The following ARHGAP24 variants were observed in gnomAD, a reference collection of about 807,000 sequenced individuals.
ARHGAP24 encodes Rho GTPase activating protein 24.
Under a neutral mutation model 76.4 loss-of-function variants are expected in ARHGAP24, and 50 were observed. The observed-to-expected ratio is 0.65, with a 90% CI of 0.52 to 0.83. ARHGAP24 has a LOEUF of 0.83. Ranked by LOEUF, ARHGAP24 falls within the 40% of genes least tolerant of loss-of-function variation. The probability of loss-of-function intolerance (pLI) is 0.00; values close to 1 mark genes in which losing one functional copy is unlikely to be tolerated. For synonymous variants in ARHGAP24, 345 were observed against 323.3 expected (o/e 1.07, Z -0.72); for missense variants, 930 against 914.2 (o/e 1.02, Z -0.22).
intron 2 of ARHGAP24, among the ~76,000 whole-genome samples, chr4:85,613,898 G>A (rs894381259): frequency 2.6e-5 from 4 of 152,096 alleles, no homozygotes; most frequent in Non-Finnish European, 4.4e-5. Context: ...AGTACCTCAC[G>A]TCTCAGTACC....
intron 3 of ARHGAP24, among the ~76,000 whole-genome samples, chr4:85,871,426 C>T (rs1732518154): frequency 6.6e-6 from 1 of 152,152 alleles, no homozygotes; most frequent in Non-Finnish European, 1.5e-5. Flanking sequence ...TGATTCCATA[C>T]TCGTTGATCA....
intron 3 of ARHGAP24, among the ~76,000 whole-genome samples, chr4:85,755,528 A>G (rs1324147839): frequency 2.0e-5 from 3 of 151,060 alleles, no homozygotes; most frequent in Non-Finnish European, 4.4e-5. Context: ...CCTTAATTTT[A>G]TTGGAAAGTG....
At chr4:85,575,291 A>G (rs1445393283) in intron 2 of ARHGAP24, among the ~76,000 whole-genome samples, 2 of 152,204 alleles carry the variant, frequency 1.3e-5, no homozygotes, top group Non-Finnish European at 2.9e-5. Context: ...AAGGTGATGC[A>G]TGCAGGCCAT....
chr4:85,744,217 G>T (rs990283632), intron 3 of ARHGAP24, among the ~76,000 whole-genome samples: 1 of 152,112 alleles, frequency 6.6e-6, no homozygotes, highest in Non-Finnish European at 1.5e-5. Context: ...TTTTCATTTT[G>T]TAAGACCCTT....
At chr4:85,682,545 C>T (rs1289398332) in intron 2 of ARHGAP24, among the ~76,000 whole-genome samples, 2 of 152,158 alleles carry the variant, frequency 1.3e-5, no homozygotes, top group South Asian at 2.1e-4. Flanking sequence ...TTTTGGGAGC[C>T]AGCAAGAAGA....
chr4:85,581,928 T>C (rs534186935), intron 2 of ARHGAP24, among the ~76,000 whole-genome samples: 22 of 152,128 alleles, frequency 1.4e-4, no homozygotes, highest in Non-Finnish European at 2.6e-4. Context: ...GTCCCTTCTT[T>C]CTGTACTTCC....
chr4:85,809,737 G>T (rs562576859), intron 3 of ARHGAP24, among the ~76,000 whole-genome samples: 1 of 152,172 alleles, frequency 6.6e-6, no homozygotes, highest in Non-Finnish European at 1.5e-5. Flanking sequence ...GCAATGCATG[G>T]TGAAAGGGTA....
At chr4:85,811,709 T>G (rs574032793) in intron 3 of ARHGAP24, among the ~76,000 whole-genome samples, 1 of 152,242 alleles carries the variant, frequency 6.6e-6, no homozygotes, top group Admixed American at 6.5e-5. Flanking sequence ...TTTGTTATTA[T>G]GTGGATAAGT....
At chr4:85,541,246 C>T (rs2046690644) in intron 1 of ARHGAP24, among the ~76,000 whole-genome samples, 1 of 117,538 alleles carries the variant, frequency 8.5e-6, no homozygotes, top group African/African-American at 6.1e-5. Flanking sequence ...CTCCGCCTCC[C>T]GGGTTCACGC....
chr4:85,569,807 C>A lies in ARHGAP24; in HGVS notation c.-20-715C>A, dbSNP rs540299133. On this transcript the variant is annotated intron_variant, in intron 1 of 9. Transcript: ENST00000395184. ...TAGAAACATCTTGAGATATGTTCACCTATGTAAGACAAATGTCTTCCATTA... is the reference window on the plus strand; with the variant it reads ...TAGAAACATCTTGAGATATGTTCACATATGTAAGACAAATGTCTTCCATTA... 3.9e-5 allele frequency among the ~76,000 whole-genome samples: 6 copies of A among 152,292 alleles called. No individual in the cohort carries two copies. The East Asian group carries it at 7.7e-4, about 20-fold the overall frequency.
At chr4:85,997,720 A>G (rs943240682) in intron 9 of ARHGAP24, among the ~76,000 whole-genome samples, 2 of 151,994 alleles carry the variant, frequency 1.3e-5, no homozygotes, top group Non-Finnish European at 2.9e-5. Flanking sequence ...CAGTGATGCA[A>G]TCTTGGCTCA....
chr4:85,488,327 TTTAGA>T (rs796245324), intron 1 of ARHGAP24, among the ~76,000 whole-genome samples: 8 of 152,242 alleles, frequency 5.3e-5, no homozygotes, highest in African/African-American at 1.4e-4. Context: ...TTGGTGAAAG[TTTAGA>T]TTAGAGGAGA....
rs564848261 is a variant in ARHGAP24 at position 85,899,250 on chromosome 4, C to A, written c.269-24398C>A. Among the ~76,000 whole-genome samples the A allele has an allele frequency of 3.9e-5, 6 of 152,220 alleles. No homozygotes were observed. The East Asian group carries it at 1.2e-3, about 29-fold the overall frequency. On this transcript the variant is annotated intron_variant, in intron 3 of 9. Coordinates refer to ENST00000395184, the MANE Select transcript of ARHGAP24 (RefSeq NM_001025616.3). ...AAAAGGATCTACATTAGATAGATAG[C>A]TTGAAATGCATTTACAGAATGCAAA...
In ARHGAP24 at chr4:85,597,057, G is replaced by C. The variant is rs73832870; in HGVS notation, c.180+26336G>C. On this transcript the variant is annotated intron_variant, in intron 2 of 9. Transcript: ENST00000395184. ...ACTCAGTCTGTCACTGAAAAATGCT[G>C]TTTCTTCAAAAGCAAAGATTTCAGT... 5.2e-3 allele frequency among the ~76,000 whole-genome samples: 796 copies of C among 152,084 alleles called. 3 individuals are homozygous for C. The highest frequency in any genetic ancestry group is 0.018 in the African/African-American group (755 of 41,504).
At chr4:85,723,546 T>C (rs1725039771) in intron 3 of ARHGAP24, 3 of 152,252 alleles carry the variant, frequency 2.0e-5, no homozygotes, top group Admixed American at 2.0e-4. Flanking sequence ...AAGGTTGTCC[T>C]TTCAAACAAA....
intron 3 of ARHGAP24, among the ~76,000 whole-genome samples, chr4:85,842,803 A>G (rs918988425): frequency 1.3e-5 from 2 of 152,212 alleles, no homozygotes; most frequent in Non-Finnish European, 2.9e-5. Flanking sequence ...AAGGGAGCTC[A>G]TGTTTATTGA....
At chr4:85,671,855 A>G (rs1350217213) in intron 2 of ARHGAP24, among the ~76,000 whole-genome samples, 1 of 152,198 alleles carries the variant, frequency 6.6e-6, no homozygotes, top group African/African-American at 2.4e-5. Flanking sequence ...CACATGCAGA[A>G]CTATTCCTAA....
At chr4:85,483,910 T>C (rs904598539) in intron 1 of ARHGAP24, among the ~76,000 whole-genome samples, 7 of 152,198 alleles carry the variant, frequency 4.6e-5, no homozygotes, top group Admixed American at 3.9e-4. Context: ...GATTCTGATG[T>C]ACACTAAAGC....
At chr4:85,479,854 G>C (rs1030442060) in intron 1 of ARHGAP24, among the ~76,000 whole-genome samples, 1 of 152,188 alleles carries the variant, frequency 6.6e-6, no homozygotes, top group East Asian at 1.9e-4. Context: ...CATACTGCCA[G>C]TTAGCACGTG....
Sources: gnomAD v4.1 joint callset for allele counts (sites outside exome capture counted in the v4.1 genomes callset) on GRCh38, gnomAD v4.1.1 for gene constraint, MANE v1.5 for transcripts, NCBI Gene and HGNC (gene_info 2026-07-23, HGNC 2026-07-21) for gene names.